Variants in FTO observed in about 807,000 individuals in gnomAD.
The protein encoded by FTO is alpha-ketoglutarate-dependent dioxygenase FTO.
Under a neutral mutation model 63.9 loss-of-function variants are expected in FTO, and 47 were observed. That is an observed-to-expected ratio of 0.74 (90% CI 0.58 to 0.94). The LOEUF is 0.94. FTO is among the 40% of genes least tolerant of loss of function. The pLI, the probability that FTO is intolerant of heterozygous loss-of-function variation, is 0.00. For synonymous variants in FTO, 207 were observed against 224.4 expected (o/e 0.92, Z 0.69); for missense variants, 562 against 618.1 (o/e 0.91, Z 0.96).
intron 6 of FTO, among the ~76,000 whole-genome samples, chr16:53,883,148 T>A (rs1412836542): frequency 6.6e-6 from 1 of 152,136 alleles, no homozygotes; most frequent in Non-Finnish European, 1.5e-5. Context: ...TCGCAAAAAA[T>A]CTCACAATTT....
intron 1 of FTO, among the ~76,000 whole-genome samples, chr16:53,740,049 GC>G (rs1398572687): frequency 6.6e-6 from 1 of 152,178 alleles, no homozygotes; most frequent in Non-Finnish European, 1.5e-5. Context: ...TTTATGTATA[GC>G]CTTTTCAAAA....
chr16:53,787,405 C>A (rs1474933270), intron 1 of FTO, among the ~76,000 whole-genome samples: 1 of 151,230 alleles, frequency 6.6e-6, no homozygotes, highest in African/African-American at 2.4e-5. Context: ...CTGGAAGGCA[C>A]CCTAGATAGA....
intron 6 of FTO, among the ~76,000 whole-genome samples, chr16:53,883,739 G>T (rs1598904431): frequency 6.6e-6 from 1 of 151,860 alleles, no homozygotes; most frequent in African/African-American, 2.4e-5. Flanking sequence ...AGAAACCTCG[G>T]CCCCCTGGGG....
At chr16:53,878,097 G>T (rs989735644) in intron 5 of FTO, among the ~76,000 whole-genome samples, 2 of 152,070 alleles carry the variant, frequency 1.3e-5, no homozygotes, top group African/African-American at 4.8e-5. Context: ...TCAGGAGTTC[G>T]AGACCAGCCT....
intron 1 of FTO, among the ~76,000 whole-genome samples, chr16:53,734,435 C>T (rs1446257088): frequency 6.6e-6 from 1 of 152,186 alleles, no homozygotes; most frequent in Admixed American, 6.5e-5. Context: ...TTCTCTTCCC[C>T]TAGAATAGAA....
chr16:53,805,911 T>A (rs1445432209), intron 1 of FTO, among the ~76,000 whole-genome samples: 1 of 152,200 alleles, frequency 6.6e-6, no homozygotes, highest in Non-Finnish European at 1.5e-5. Flanking sequence ...TGTGAGCAGC[T>A]TGATGTATTT....
chr16:53,744,493 A>G (rs2076601605), intron 1 of FTO, among the ~76,000 whole-genome samples: 1 of 152,212 alleles, frequency 6.6e-6, no homozygotes, highest in Non-Finnish European at 1.5e-5. Flanking sequence ...AAAATGTATA[A>G]CAAATGTGAG....
intron 8 of FTO, among the ~76,000 whole-genome samples, chr16:53,977,927 T>C (rs1309941333): frequency 6.6e-6 from 1 of 152,176 alleles, no homozygotes; most frequent in Non-Finnish European, 1.5e-5. Flanking sequence ...GCTGCAATCA[T>C]AGCTCACTGC....
At chr16:53,761,744 C>T (rs540112978) in intron 1 of FTO, among the ~76,000 whole-genome samples, 2 of 135,606 alleles carry the variant, frequency 1.5e-5, no homozygotes, top group African/African-American at 6.7e-5. Flanking sequence ...TGGATGTGTG[C>T]TTTTCACCCA....
intron 7 of FTO, among the ~76,000 whole-genome samples, chr16:53,928,458 G>A (rs146666418): frequency 4.6e-5 from 7 of 152,146 alleles, no homozygotes; most frequent in Admixed American, 2.0e-4. Context: ...TTGAAAAGCC[G>A]ACACTATTAT....
At chr16:53,808,949 T>C (rs1432214318) in intron 1 of FTO, among the ~76,000 whole-genome samples, 1 of 152,248 alleles carries the variant, frequency 6.6e-6, no homozygotes, top group South Asian at 2.1e-4. Flanking sequence ...TCTATGTGTA[T>C]ATGTGTCTGT....
At chr16:53,828,982 C>A (rs983344421) in intron 3 of FTO, among the ~76,000 whole-genome samples, 4 of 152,214 alleles carry the variant, frequency 2.6e-5, no homozygotes, top group African/African-American at 9.6e-5. Flanking sequence ...CCTCCGCCTC[C>A]TGGGTTCAAG....
intron 8 of FTO, among the ~76,000 whole-genome samples, chr16:53,977,361 G>T (rs1445253231): frequency 1.3e-5 from 2 of 152,096 alleles, no homozygotes; most frequent in Non-Finnish European, 2.9e-5. Context: ...GGTAATATAT[G>T]CAGGAACTTA....
chr16:53,915,960 G>A (rs1251430274), intron 7 of FTO, among the ~76,000 whole-genome samples: 1 of 152,214 alleles, frequency 6.6e-6, no homozygotes, highest in Non-Finnish European at 1.5e-5. Flanking sequence ...AACCGCAGCA[G>A]TAGTTTGCAG....
At chr16:53,788,410 C>T (rs2077807951) in intron 1 of FTO, among the ~76,000 whole-genome samples, 1 of 151,918 alleles carries the variant, frequency 6.6e-6, no homozygotes, top group African/African-American at 2.4e-5. Flanking sequence ...CGAGACCAGC[C>T]TGGCCAACAT....
At chr16:53,970,892 A>C (rs2083302218) in intron 8 of FTO, among the ~76,000 whole-genome samples, 1 of 152,244 alleles carries the variant, frequency 6.6e-6, no homozygotes, top group South Asian at 2.1e-4. Flanking sequence ...ACTTATATAC[A>C]TAATGCAGAA....
At chr16:53,941,696 C>T (rs892959680) in intron 8 of FTO, among the ~76,000 whole-genome samples, 21 of 152,080 alleles carry the variant, frequency 1.4e-4, no homozygotes, top group Non-Finnish European at 2.9e-4. Flanking sequence ...AAAGTGCAAA[C>T]AACTAGCCAG....
At chr16:53,783,176 T>C (rs140677282) in intron 1 of FTO, among the ~76,000 whole-genome samples, 224 of 152,246 alleles carry the variant, frequency 1.5e-3, no homozygotes, top group African/African-American at 5.2e-3. Context: ...GGGCCCACTG[T>C]ATTTTTTAAA....
At chr16:54,091,837 ACTGTTTG>A (rs2086391417) in intron 8 of FTO, among the ~76,000 whole-genome samples, 1 of 152,184 alleles carries the variant, frequency 6.6e-6, no homozygotes, top group African/African-American at 2.4e-5. Context: ...TCAGTGCCTC[ACTGTTTG>A]CATCTGTAAG....
Sources: allele counts gnomAD v4.1 joint callset (sites outside exome capture counted in the v4.1 genomes callset), GRCh38; gene constraint gnomAD v4.1.1; transcripts MANE v1.5; gene names NCBI Gene and HGNC (gene_info 2026-07-23, HGNC 2026-07-21).